EPM2A: variants seen among roughly 807,000 people sequenced by gnomAD.
The protein encoded by EPM2A is laforin.
In EPM2A, 21 loss-of-function variants were observed where a neutral mutation model predicts 26.5. That is an observed-to-expected ratio of 0.79 (90% CI 0.56 to 1.14). The LOEUF (loss-of-function observed/expected upper bound fraction) is 1.14, where lower values mean the gene tolerates loss of function less well. Ranked by LOEUF, EPM2A falls within the 50% of genes most tolerant of loss-of-function variation. The pLI is 0.00. For synonymous variants in EPM2A, 217 were observed against 177.6 expected (o/e 1.22, Z -1.76); for missense variants, 458 against 440.8 (o/e 1.04, Z -0.35).
chr6:145,482,008 C>A (rs1052390411), intron 4 of EPM2A, among the ~76,000 whole-genome samples: 17 of 152,134 alleles, frequency 1.1e-4, no homozygotes, highest in African/African-American at 4.1e-4. Context: ...GAAAAATCTA[C>A]ACTACCTGTA....
intron 4 of EPM2A, chr6:145,489,831 A>G: frequency 6.9e-7 from 1 of 1,448,498 alleles, no homozygotes; most frequent in Non-Finnish European, 9.7e-7. Flanking sequence ...CTAGAAGTTC[A>G]GTTTGTACTT....
At chr6:145,724,696 C>A (rs753390178) in intron 1 of EPM2A, among the ~76,000 whole-genome samples, 5 of 151,900 alleles carry the variant, frequency 3.3e-5, no homozygotes, top group African/African-American at 1.2e-4. Flanking sequence ...CAGAAATGGA[C>A]ATATGCAAAT....
At position 145,510,871 on chromosome 6, in the gene EPM2A, G is replaced by T. The variant is rs189422782; in HGVS notation, c.341-8296C>A. 1.8e-3 allele frequency among the ~76,000 whole-genome samples: 277 copies of T among 151,816 alleles called. 1 individual carries two copies. The highest frequency in any genetic ancestry group is 6.3e-3 in the African/African-American group (263 of 41,436). On this transcript the variant is annotated intron_variant, in intron 2 of 3. Coordinates refer to the EPM2A transcript ENST00000450221. ...CACTAGCTAGATTAACAGAAAAAAA[G>T]AACATTCAAATAAGCACAACCAGAA... is the stretch of plus-strand genomic sequence containing the variant.
chr6:145,559,525 C>G (rs1288130931), intron 2 of EPM2A, among the ~76,000 whole-genome samples: 1 of 152,016 alleles, frequency 6.6e-6, no homozygotes, highest in Non-Finnish European at 1.5e-5. Flanking sequence ...ATAATTATTA[C>G]AGTTATCTTT....
At chr6:145,401,043 A>C (rs981810602) in intron 4 of EPM2A, among the ~76,000 whole-genome samples, 3 of 152,192 alleles carry the variant, frequency 2.0e-5, no homozygotes, top group Admixed American at 6.6e-5. Context: ...AGGGTTTAAT[A>C]ATTGAATAAA....
At chr6:145,566,372 T>C (rs1396621189) in intron 2 of EPM2A, among the ~76,000 whole-genome samples, 1 of 152,248 alleles carries the variant, frequency 6.6e-6, no homozygotes, top group African/African-American at 2.4e-5. Context: ...TCTGGACAGT[T>C]CCTGGTTTGT....
intron 4 of EPM2A, chr6:145,463,254 C>T (rs1779348639): frequency 1.3e-5 from 2 of 151,212 alleles, no homozygotes; most frequent in African/African-American, 4.9e-5. Flanking sequence ...AGAGTGCAAA[C>T]GAAATTCCTC....
At chr6:145,571,870 A>G (rs1780961589) in intron 2 of EPM2A, among the ~76,000 whole-genome samples, 1 of 152,216 alleles carries the variant, frequency 6.6e-6, no homozygotes, top group South Asian at 2.1e-4. Flanking sequence ...CCACTTGATT[A>G]TTAACATCCT....
At chr6:145,533,132 C>T (rs1307602435) in intron 2 of EPM2A, among the ~76,000 whole-genome samples, 1 of 152,102 alleles carries the variant, frequency 6.6e-6, no homozygotes, top group Non-Finnish European at 1.5e-5. Flanking sequence ...CAAAAAAATA[C>T]CTGTTTCTTT....
intron 2 of EPM2A, among the ~76,000 whole-genome samples, chr6:145,617,245 T>A (rs1775533223): frequency 6.6e-6 from 1 of 152,178 alleles, no homozygotes; most frequent in African/African-American, 2.4e-5. Context: ...GCACAAGTTT[T>A]CTTCTTCTCT....
downstream of EPM2A, among the ~76,000 whole-genome samples, chr6:145,624,147 C>T (rs115339880): frequency 3.2e-3 from 492 of 152,238 alleles, 1 homozygote; most frequent in African/African-American, 0.011. Flanking sequence ...TACTCAGTGA[C>T]GGCACACCTA....
chr6:145,456,309 C>A (rs975525215), intron 4 of EPM2A, among the ~76,000 whole-genome samples: 1 of 152,138 alleles, frequency 6.6e-6, no homozygotes, highest in Non-Finnish European at 1.5e-5. Context: ...ATACTTGGTA[C>A]CCCAGTACTT....
intron 1 of EPM2A, among the ~76,000 whole-genome samples, chr6:145,723,793 T>C (rs1202736084): frequency 6.6e-6 from 1 of 151,978 alleles, no homozygotes; most frequent in East Asian, 1.9e-4. Flanking sequence ...GAGAACAAAG[T>C]GAGAGTTAAA....
At chr6:145,616,358 C>T (rs1230149684) in intron 2 of EPM2A, among the ~76,000 whole-genome samples, 1 of 152,236 alleles carries the variant, frequency 6.6e-6, no homozygotes, top group African/African-American at 2.4e-5. Flanking sequence ...GGAACCTCTG[C>T]CTAGATTTAA....
downstream of EPM2A, among the ~76,000 whole-genome samples, chr6:145,620,997 T>C (rs1775621761): frequency 6.6e-6 from 1 of 152,214 alleles, no homozygotes; most frequent in Admixed American, 6.5e-5. Context: ...AAGTATACAA[T>C]ACATTATTAT....
chr6:145,684,772 A>G (rs569816705), intron 2 of EPM2A: 2 of 146,924 alleles, frequency 1.4e-5, no homozygotes, highest in South Asian at 4.3e-4. Context: ...CTCATCTCCT[A>G]GTCTTCCCCA....
At chr6:145,466,742 C>A (rs142818717) in intron 4 of EPM2A, among the ~76,000 whole-genome samples, 9,903 of 152,128 alleles carry the variant, frequency 0.065, 1,055 homozygotes, top group African/African-American at 0.22. Flanking sequence ...TGGAACCAAC[C>A]CAAATGTCCA....
chr6:145,664,609 C>T (rs941932545), intron 2 of EPM2A, among the ~76,000 whole-genome samples: 1 of 151,618 alleles, frequency 6.6e-6, no homozygotes. Flanking sequence ...ATCAACGAGA[C>T]AGAAAGTCAA....
At chr6:145,522,800 A>C (rs1780220237) in intron 2 of EPM2A, among the ~76,000 whole-genome samples, 2 of 152,120 alleles carry the variant, frequency 1.3e-5, no homozygotes, top group Non-Finnish European at 2.9e-5. Flanking sequence ...AGCACACCAC[A>C]ATCACCCATG....
Sources: gnomAD v4.1 joint callset for allele counts (sites outside exome capture counted in the v4.1 genomes callset) on GRCh38, gnomAD v4.1.1 for gene constraint, MANE v1.5 for transcripts, NCBI Gene and HGNC (gene_info 2026-07-23, HGNC 2026-07-21) for gene names.